The following VPS13D variants were observed in gnomAD, a reference collection of about 807,000 sequenced individuals.
VPS13D encodes intermembrane lipid transfer protein VPS13D.
Under a neutral mutation model 461.9 loss-of-function variants are expected in VPS13D, and 187 were observed. The observed-to-expected ratio is 0.40, with a 90% CI of 0.36 to 0.46. The LOEUF (loss-of-function observed/expected upper bound fraction) is 0.46, where lower values mean the gene tolerates loss of function less well. Ranked by LOEUF, VPS13D falls within the 20% of genes least tolerant of loss-of-function variation. The pLI is 0.60. For synonymous variants in VPS13D, 1,951 were observed against 1,986.3 expected, an observed-to-expected ratio of 0.98 and a Z score of 0.47; for missense variants, 4,711 against 5,364.9, an observed-to-expected ratio of 0.88 and a Z score of 3.81.
intron 65 of VPS13D, among the ~76,000 whole-genome samples, chr1:12,440,467 C>T (rs752310753): frequency 1.3e-4 from 20 of 152,120 alleles, no homozygotes; most frequent in South Asian, 2.1e-4. Context: ...AAGATTGAAG[C>T]GATGAGAAAA....
intron 54 of VPS13D, among the ~76,000 whole-genome samples, chr1:12,370,697 GT>G (rs1254394008): frequency 6.6e-6 from 1 of 152,194 alleles, no homozygotes; most frequent in Admixed American, 6.5e-5. Flanking sequence ...TTGTTAATTT[GT>G]TTTTAAAGAT....
intron 55 of VPS13D, among the ~76,000 whole-genome samples, chr1:12,374,065 A>C (rs1240813522): frequency 6.6e-6 from 1 of 152,344 alleles, no homozygotes; most frequent in East Asian, 1.9e-4. Context: ...TGTGATCACC[A>C]GGTGTGATCA....
chr1:12,232,047 AT>A (rs1004682785), intron 1 of VPS13D, among the ~76,000 whole-genome samples: 2 of 152,062 alleles, frequency 1.3e-5, no homozygotes, highest in Non-Finnish European at 2.9e-5. Flanking sequence ...ACTGTTGAGC[AT>A]TTTTTTTAAA....
At chr1:12,288,148 T>C (rs2101409308) in intron 21 of VPS13D, 75 bp from the exon 22 acceptor site, 1 of 1,290,464 alleles carries the variant, frequency 7.7e-7, no homozygotes, top group Non-Finnish European at 1.1e-6. Flanking sequence ...TTTTCCTTGA[T>C]TGCTCTGCCG....
In VPS13D at chr1:12,378,558, A is replaced by G; in HGVS notation, c.11048A>G (p.Asp3683Gly). ...ARSTEGSAIL[D>G]IAGLAAVTDN... Reference sequence around the variant, plus strand: ...TCCACCGAGGGGTCTGCCATCTTAGATATTGCTGGTCTCGCTGCAGTGACT... The same window carrying G: ...TCCACCGAGGGGTCTGCCATCTTAGGTATTGCTGGTCTCGCTGCAGTGACT... The change falls in exon 56 of 70, where the codon GAT becomes GGT. Residue 3683 changes from aspartate to glycine, a missense_variant. Coordinates refer to ENST00000620676, the MANE Select transcript of VPS13D (RefSeq NM_015378.4). 6.2e-7 allele frequency: 1 copy of G among 1,605,646 alleles called. No individual in the cohort carries two copies.
chr1:12,363,935 G>GAGTA (rs1643990929), intron 52 of VPS13D, among the ~76,000 whole-genome samples: 2 of 98,892 alleles, frequency 2.0e-5, no homozygotes, highest in Admixed American at 1.7e-4. Context: ...TCAGGCGACA[G>GAGTA]AGTAAGACTC....
At chr1:12,393,912 T>G (rs1644461453) in intron 60 of VPS13D, among the ~76,000 whole-genome samples, 1 of 152,162 alleles carries the variant, frequency 6.6e-6, no homozygotes, top group South Asian at 2.1e-4. Context: ...TAAAACTCCA[T>G]TAATTACTTG....
chr1:12,420,532 A>G (rs1296746898), intron 65 of VPS13D, among the ~76,000 whole-genome samples: 6 of 152,238 alleles, frequency 3.9e-5, no homozygotes, highest in Non-Finnish European at 7.3e-5. Context: ...AGTGTAGTGG[A>G]GAAGTTCATA....
intron 65 of VPS13D, among the ~76,000 whole-genome samples, chr1:12,421,313 T>G (rs1267351917): frequency 6.6e-6 from 1 of 152,222 alleles, no homozygotes; most frequent in East Asian, 1.9e-4. Flanking sequence ...AGGCAATCGC[T>G]TCTGGAAGGT....
chr1:12,326,494 A>G (rs1643191716), intron 35 of VPS13D, among the ~76,000 whole-genome samples: 1 of 151,548 alleles, frequency 6.6e-6, no homozygotes, highest in African/African-American at 2.4e-5. Flanking sequence ...GCACCACCAT[A>G]CGTGGCTAAT....
At chr1:12,383,768 T>C (rs769434680) in intron 58 of VPS13D, among the ~76,000 whole-genome samples, 2 of 152,194 alleles carry the variant, frequency 1.3e-5, no homozygotes, top group Non-Finnish European at 2.9e-5. Flanking sequence ...CATTTACCAG[T>C]GAACGGACAA....
intron 60 of VPS13D, among the ~76,000 whole-genome samples, chr1:12,387,150 G>A (rs1357878449): frequency 6.6e-6 from 1 of 152,204 alleles, no homozygotes; most frequent in Middle Eastern, 3.2e-3. Flanking sequence ...GTGCCCACCA[G>A]CTGGACTGGA....
chr1:12,274,327 A>G (rs1641544153), intron 18 of VPS13D, among the ~76,000 whole-genome samples: 1 of 152,178 alleles, frequency 6.6e-6, no homozygotes, highest in Admixed American at 6.5e-5. Context: ...GGCGTGAGCC[A>G]CCGCACCTGG....
intron 39 of VPS13D, chr1:12,337,206 CT>C (rs1317536140): frequency 5.3e-5 from 8 of 152,046 alleles, no homozygotes; most frequent in African/African-American, 1.4e-4. Flanking sequence ...TGTAATCTAT[CT>C]TTTTAATAAG....
intron 63 of VPS13D, among the ~76,000 whole-genome samples, chr1:12,410,056 G>T (rs1644703411): frequency 6.6e-6 from 1 of 152,200 alleles, no homozygotes; most frequent in South Asian, 2.1e-4. Context: ...GCAAAACTTA[G>T]ACTTCATTGC....
chr1:12,230,876 C>T (rs894888293), intron 1 of VPS13D, among the ~76,000 whole-genome samples: 6 of 152,126 alleles, frequency 3.9e-5, no homozygotes, highest in African/African-American at 1.2e-4. Flanking sequence ...GGGTCTCTGT[C>T]CCCTGGAGGG....
At chr1:12,326,321 A>ATTTTTTTTTTTTTTTTTT (rs763042688) in intron 35 of VPS13D, among the ~76,000 whole-genome samples, 1 of 49,278 alleles carries the variant, frequency 2.0e-5, no homozygotes. Context: ...AACCTTTTGG[A>ATTTTTTTTTTTTTTTTTT]TTTTTTTTTT....
chr1:12,400,440 G>T (rs925770003), intron 61 of VPS13D, 110 bp downstream of exon 61: 1 of 1,336,122 alleles, frequency 7.5e-7, no homozygotes, highest in African/African-American at 1.5e-5. Context: ...GAATAGCTCT[G>T]CAGGGTTAAA....
chr1:12,475,050 G>GTAT (rs1645612779), intron 67 of VPS13D, among the ~76,000 whole-genome samples: 1 of 152,106 alleles, frequency 6.6e-6, no homozygotes, highest in African/African-American at 2.4e-5. Context: ...TCGTCCTGAT[G>GTAT]TATTGTGCGG....
Sources: allele counts gnomAD v4.1 joint callset (sites outside exome capture counted in the v4.1 genomes callset), GRCh38; gene constraint gnomAD v4.1.1; transcripts MANE v1.5; gene names NCBI Gene and HGNC (gene_info 2026-07-23, HGNC 2026-07-21).